The following KIAA0232 variants were observed in gnomAD, a reference collection of about 807,000 sequenced individuals.
KIAA0232 encodes the protein KIAA0232, also known as uncharacterized protein KIAA0232.
Under a neutral mutation model 122.0 loss-of-function variants are expected in KIAA0232, and 27 were observed. That is an observed-to-expected ratio of 0.22 (90% CI 0.16 to 0.31). The LOEUF is 0.31. KIAA0232 is among the 10% of genes least tolerant of loss of function. The pLI, the probability that KIAA0232 is intolerant of heterozygous loss-of-function variation, is 1.00. For synonymous variants in KIAA0232, 613 were observed against 587.6 expected, an observed-to-expected ratio of 1.04 and a Z score of -0.63; for missense variants, 1,551 against 1,634.2, an observed-to-expected ratio of 0.95 and a Z score of 0.88.
intron 9 of KIAA0232, among the ~76,000 whole-genome samples, chr4:6,879,074 A>G (rs1466041781): frequency 6.6e-6 from 1 of 151,462 alleles, no homozygotes; most frequent in Non-Finnish European, 1.5e-5. Context: ...CGCATCTCCC[A>G]CTTCTCCTCC....
rs1369533529 is a variant in KIAA0232 at position 6,865,311 on chromosome 4, T to C, written c.3801+1128T>C. Among the ~76,000 whole-genome samples, 3 of 152,226 alleles carry C rather than the reference T, an allele frequency of 2.0e-5. No homozygotes were observed. In the East Asian group the frequency reaches 5.8e-4, roughly 29 times the overall value. The stretch of plus-strand genomic sequence containing the variant: ...TTTAATTTTGTTTTTGTTTTTGTTT[T>C]GTTTTGGGGACAGAGTCTCGCTCTG... On this transcript the variant is annotated intron_variant, in intron 7 of 9. Coordinates refer to ENST00000307659, the MANE Select transcript of KIAA0232 (RefSeq NM_014743.3).
intron 3 of KIAA0232, among the ~76,000 whole-genome samples, chr4:6,831,170 C>T (rs778999765): frequency 2.8e-4 from 42 of 152,246 alleles, no homozygotes; most frequent in Non-Finnish European, 5.1e-4. Flanking sequence ...ATTCTCCTGC[C>T]CCAGCCTCCC....
chr4:6,851,173 C>T (rs1720262457), intron 4 of KIAA0232, among the ~76,000 whole-genome samples: 1 of 152,112 alleles, frequency 6.6e-6, no homozygotes, highest in Admixed American at 6.5e-5. Context: ...GTTACATGCC[C>T]ATTAGTGGCC....
chr4:6,812,144 G>A (rs999976916), intron 2 of KIAA0232, among the ~76,000 whole-genome samples: 3 of 152,156 alleles, frequency 2.0e-5, no homozygotes, highest in Non-Finnish European at 2.9e-5. Context: ...CTCCTGGAAC[G>A]TGGGGAGGGG....
intron 1 of KIAA0232, among the ~76,000 whole-genome samples, chr4:6,791,079 C>T (rs1716872508): frequency 6.6e-6 from 1 of 150,896 alleles, no homozygotes; most frequent in African/African-American, 2.4e-5. Context: ...CCACCATGCC[C>T]AGATAATCTT....
At chr4:6,857,692 G>C (rs1273139678) in intron 5 of KIAA0232, among the ~76,000 whole-genome samples, 1 of 152,194 alleles carries the variant, frequency 6.6e-6, no homozygotes, top group Non-Finnish European at 1.5e-5. Context: ...AGGGACTTCT[G>C]TTTTGACTCA....
At chr4:6,811,312 C>T (rs1377080962) in intron 2 of KIAA0232, among the ~76,000 whole-genome samples, 1 of 152,102 alleles carries the variant, frequency 6.6e-6, no homozygotes, top group African/African-American at 2.4e-5. Flanking sequence ...TTTGCGGCAA[C>T]GTTGGTGGAA....
Position 6,861,563 on chromosome 4 carries a change from CAGAGTAT to C in KIAA0232, c.1183_1189del (p.Glu395LysfsTer18). 6.2e-7 allele frequency: 1 copy of C among 1,614,032 alleles called. No homozygotes were observed. Among genetic ancestry groups the C allele is most frequent in the Non-Finnish European group, 8.5e-7 (1 of 1,180,018 alleles). ...CTGTACATGGAGAATAGAAAGGACA[CAGAGTAT>C]AAAGAGGAGCCCTTGTGGTACACCG... On this transcript the variant is annotated frameshift_variant, in exon 7 of 10. Transcript: ENST00000307659. LOFTEE classifies it high-confidence loss of function.
intron 4 of KIAA0232, among the ~76,000 whole-genome samples, chr4:6,851,125 G>C (rs1720259649): frequency 6.6e-6 from 1 of 152,196 alleles, no homozygotes; most frequent in Non-Finnish European, 1.5e-5. Flanking sequence ...GCCCTAACCA[G>C]AATGTTATAC....
rs1035553555 is a variant in KIAA0232 at position 6,837,312 on chromosome 4, G to A, written c.232-4755G>A. Among the ~76,000 whole-genome samples, 3 of 152,080 alleles carry A rather than the reference G, an allele frequency of 2.0e-5. 1 individual carries two copies. The South Asian group carries it at 6.2e-4, about 32-fold the overall frequency. On this transcript the variant is annotated intron_variant, in intron 3 of 9. Coordinates refer to ENST00000307659, the MANE Select transcript of KIAA0232 (RefSeq NM_014743.3). ...CAGAGACGCTCCTCAGTTCCCAAATGGGGTCGCGGCTGGGCAGAGGTGCTC... is the reference window on the plus strand; with the variant it reads ...CAGAGACGCTCCTCAGTTCCCAAATAGGGTCGCGGCTGGGCAGAGGTGCTC...
At chr4:6,800,349 T>TATG (rs1194663215) in intron 1 of KIAA0232, among the ~76,000 whole-genome samples, 1 of 149,294 alleles carries the variant, frequency 6.7e-6, no homozygotes, top group Non-Finnish European at 1.5e-5. Flanking sequence ...TGGACTTACG[T>TATG]ATGCTCTATT....
At chr4:6,784,113 G>A (rs1221992242) in intron 1 of KIAA0232, among the ~76,000 whole-genome samples, 2 of 151,926 alleles carry the variant, frequency 1.3e-5, no homozygotes, top group Non-Finnish European at 2.9e-5. Context: ...TTAAAAACAG[G>A]AGGGAGATTC....
chr4:6,813,166 A>G (rs1000990813), intron 2 of KIAA0232, among the ~76,000 whole-genome samples: 3 of 152,182 alleles, frequency 2.0e-5, no homozygotes, highest in Non-Finnish European at 2.9e-5. Flanking sequence ...AGATAGCACC[A>G]TGTTTCTCGG....
intron 2 of KIAA0232, among the ~76,000 whole-genome samples, chr4:6,806,737 CAAAAAAAA>C (rs34146483): frequency 3.8e-4 from 18 of 47,672 alleles, no homozygotes; most frequent in South Asian, 2.6e-3. Context: ...GACTCCCTCT[CAAAAAAAA>C]AAAAAAAAAA....
intron 3 of KIAA0232, among the ~76,000 whole-genome samples, chr4:6,836,725 G>T (rs1423876486): frequency 2.0e-5 from 3 of 151,910 alleles, no homozygotes; most frequent in Admixed American, 6.5e-5. Flanking sequence ...CCCTGAGTAC[G>T]TGAGATTAGG....
At chr4:6,784,637 A>G (rs915576426) in intron 1 of KIAA0232, among the ~76,000 whole-genome samples, 2 of 152,202 alleles carry the variant, frequency 1.3e-5, no homozygotes, top group Non-Finnish European at 2.9e-5. Context: ...ACTCAGATTC[A>G]ATTGCTGTAC....
chr4:6,801,982 T>G (rs1470146309), intron 1 of KIAA0232, among the ~76,000 whole-genome samples: 1 of 152,196 alleles, frequency 6.6e-6, no homozygotes, highest in Non-Finnish European at 1.5e-5. Flanking sequence ...TGGTGGGTAT[T>G]TATTTATGCA....
At chr4:6,806,061 T>G (rs1239636539) in intron 2 of KIAA0232, among the ~76,000 whole-genome samples, 2 of 152,160 alleles carry the variant, frequency 1.3e-5, no homozygotes, top group Non-Finnish European at 2.9e-5. Context: ...ATTTTCCTCT[T>G]CCCCTTGGGC....
At chr4:6,838,434 C>G (rs1719465138) in intron 3 of KIAA0232, among the ~76,000 whole-genome samples, 1 of 152,132 alleles carries the variant, frequency 6.6e-6, no homozygotes, top group East Asian at 1.9e-4. Context: ...AGTGATCTGC[C>G]CACCTCTGCC....
Sources: gnomAD v4.1 joint callset for allele counts (sites outside exome capture counted in the v4.1 genomes callset) on GRCh38, gnomAD v4.1.1 for gene constraint, MANE v1.5 for transcripts, NCBI Gene and HGNC (gene_info 2026-07-23, HGNC 2026-07-21) for gene names.